The following CDK13 variants were observed in gnomAD, a reference collection of about 807,000 sequenced individuals.
The protein encoded by CDK13 is cyclin-dependent kinase 13.
A neutral mutation model predicts 137.6 loss-of-function variants in CDK13; 40 were observed. The ratio of observed to expected loss-of-function variants is 0.29; its 90% CI spans 0.23 to 0.38. CDK13 has a LOEUF of 0.38. Among genes scored for constraint, CDK13 ranks in the 10% least tolerant of loss-of-function variants. The probability of loss-of-function intolerance (pLI) is 1.00; values close to 1 mark genes in which losing one functional copy is unlikely to be tolerated. For missense variants in CDK13, 1,704 were observed against 1,951.8 expected (o/e 0.87, Z 2.39); for synonymous variants, 869 against 760.1 (o/e 1.14, Z -2.36).
chr7:40,021,146 C>CAT (rs1785114900), intron 5 of CDK13, among the ~76,000 whole-genome samples: 1 of 150,994 alleles, frequency 6.6e-6, no homozygotes. Context: ...CACACACACA[C>CAT]ACACATAAAG....
At chr7:40,081,151 A>G (rs1266233962) in intron 11 of CDK13, among the ~76,000 whole-genome samples, 1 of 152,098 alleles carries the variant, frequency 6.6e-6, no homozygotes, top group African/African-American at 2.4e-5. Flanking sequence ...ATATTTCACA[A>G]TTTGGATTTG....
chr7:40,050,741 T>C (rs560010305), intron 7 of CDK13, among the ~76,000 whole-genome samples: 1 of 152,352 alleles, frequency 6.6e-6, no homozygotes, highest in South Asian at 2.1e-4. Context: ...TTTGGGCAAG[T>C]TCTGGTTAAT....
At chr7:40,024,389 C>T (rs1415976468) in intron 5 of CDK13, among the ~76,000 whole-genome samples, 1 of 152,150 alleles carries the variant, frequency 6.6e-6, no homozygotes, top group Non-Finnish European at 1.5e-5. Context: ...TGTCATTCAC[C>T]CATTGGTCTG....
In CDK13 at chr7:40,095,001, A is replaced by G; in HGVS notation, c.*21A>G. On this transcript the variant is annotated 3_prime_UTR_variant, in exon 14 of 14. Transcript: ENST00000181839. ...ACTGAGTATCTGTTTTTCCTCAGGC[A>G]CATCATTTTTATCTGGAAAGACTTT... 4 of 1,348,800 alleles carry G rather than the reference A, an allele frequency of 3.0e-6. No homozygotes were observed. Among genetic ancestry groups the G allele is most frequent in the Non-Finnish European group, 2.9e-6 (3 of 1,044,488 alleles). 83.6% of individuals were successfully genotyped at this position (1,348,800 alleles called of 1,614,324 possible). A position where few individuals can be genotyped will look rare whatever the true frequency, so the allele number is the denominator to read the frequency against.
At chr7:40,000,146 C>T (rs568506253) in intron 4 of CDK13, among the ~76,000 whole-genome samples, 18 of 152,206 alleles carry the variant, frequency 1.2e-4, no homozygotes, top group African/African-American at 4.1e-4. Flanking sequence ...GAGGCTGAGA[C>T]AGGCAGATCA....
At chr7:39,971,633 G>GCCTGTAATCT in intron 1 of CDK13, among the ~76,000 whole-genome samples, 1 of 34,636 alleles carries the variant, frequency 2.9e-5, no homozygotes, top group Admixed American at 3.3e-4. Context: ...GTGGTGGCTC[G>GCCTGTAATCT]CAGCACTTTG....
chr7:40,082,846 A>T (rs1295104148), intron 11 of CDK13, among the ~76,000 whole-genome samples: 1 of 152,054 alleles, frequency 6.6e-6, no homozygotes, highest in African/African-American at 2.4e-5. Context: ...CATGCCTGTA[A>T]TCCCAGCACT....
chr7:40,032,792 G>C (rs1785408111), intron 5 of CDK13, among the ~76,000 whole-genome samples: 1 of 151,580 alleles, frequency 6.6e-6, no homozygotes, highest in African/African-American at 2.4e-5. Context: ...ATTAATTACT[G>C]TAGCTTTATG....
At chr7:40,072,117 G>C (rs1340080767) in intron 9 of CDK13, 1 of 152,122 alleles carries the variant, frequency 6.6e-6, no homozygotes, top group Non-Finnish European at 1.5e-5. Context: ...TTAACAATTT[G>C]TACTGCTTCA....
intron 7 of CDK13, chr7:40,062,487 A>G: frequency 4.7e-6 from 1 of 211,152 alleles, no homozygotes; most frequent in South Asian, 7.2e-5. Context: ...TCACCGTGTT[A>G]GCCAGGATGG....
chr7:39,956,105 A>C (rs1270848052), intron 1 of CDK13, among the ~76,000 whole-genome samples: 4 of 152,232 alleles, frequency 2.6e-5, no homozygotes, highest in African/African-American at 9.6e-5. Context: ...ATGAAAAAAA[A>C]ACTCAAAAAA....
chr7:40,073,080 T>G (rs930695839), intron 9 of CDK13: 1 of 152,222 alleles, frequency 6.6e-6, no homozygotes, highest in African/African-American at 2.4e-5. Flanking sequence ...CCCAAAGGCA[T>G]CATTCTTCCC....
rs1786233932 is a variant in CDK13 at position 40,064,556 on chromosome 7, G to A, written c.2780+1456G>A. The stretch of plus-strand genomic sequence containing the variant: ...AAATCTTACTATTGCCCTTTTTGGT[G>A]GTTAGGCAAGGTTTTTACTATAGGG... On this transcript the variant is annotated intron_variant, in intron 9 of 13. Transcript: ENST00000181839. Among the ~76,000 whole-genome samples the A allele has an allele frequency of 2.0e-5, 3 of 152,060 alleles. No homozygotes were observed. In the South Asian group the frequency reaches 6.2e-4, roughly 32 times the overall value.
chr7:40,079,489 G>A (rs1052093647), intron 11 of CDK13, among the ~76,000 whole-genome samples: 1 of 151,962 alleles, frequency 6.6e-6, no homozygotes, highest in Non-Finnish European at 1.5e-5. Context: ...CACTACTACT[G>A]GTACAGCTAT....
At chr7:39,992,111 ACACACACAAG>A (rs1784470426) in intron 2 of CDK13, among the ~76,000 whole-genome samples, 1 of 122,846 alleles carries the variant, frequency 8.1e-6, no homozygotes, top group Admixed American at 7.2e-5. Flanking sequence ...ACACGCACAC[ACACACACAAG>A]CACACACGCT....
At chr7:40,046,434 A>G (rs1785742180) in intron 6 of CDK13, among the ~76,000 whole-genome samples, 1 of 152,142 alleles carries the variant, frequency 6.6e-6, no homozygotes, top group South Asian at 2.1e-4. Context: ...ACTTGAGACC[A>G]GGAGTTCATG....
At chr7:40,068,329 A>T (rs1176368930) in intron 9 of CDK13, among the ~76,000 whole-genome samples, 1 of 151,698 alleles carries the variant, frequency 6.6e-6, no homozygotes, top group Non-Finnish European at 1.5e-5. Flanking sequence ...TTTTTTAGGA[A>T]TATGTTCTCA....
chr7:40,033,154 C>G (rs980663729), intron 5 of CDK13, among the ~76,000 whole-genome samples: 9 of 152,258 alleles, frequency 5.9e-5, no homozygotes, highest in Non-Finnish European at 1.3e-4. Flanking sequence ...TGGGGTCTCA[C>G]CATGTTGGCC....
rs540558820 is a variant in CDK13, at chr7:39,980,014, A to G, written c.1212-7585A>G. On this transcript the variant is annotated intron_variant, in intron 1 of 13. Coordinates refer to ENST00000181839, the MANE Select transcript of CDK13 (RefSeq NM_003718.5). ...TCTGGTGACATGTTGATTTTAGTTC[A>G]CTGAGACTGATTTTGGACTTCTGAC... Among the ~76,000 whole-genome samples the G allele has an allele frequency of 5.3e-5, 8 of 152,334 alleles. No individual in the cohort carries two copies. The East Asian group carries it at 1.5e-3, about 29-fold the overall frequency.
Sources: allele counts gnomAD v4.1 joint callset (sites outside exome capture counted in the v4.1 genomes callset), GRCh38; gene constraint gnomAD v4.1.1; transcripts MANE v1.5; gene names NCBI Gene and HGNC (gene_info 2026-07-23, HGNC 2026-07-21).